The following TMEM178A variants were observed in gnomAD, a reference collection of about 807,000 sequenced individuals.
The protein encoded by TMEM178A is transmembrane protein 178A.
TMEM178A carries 12 observed loss-of-function variants against 29.1 expected under a neutral mutation model. The observed-to-expected ratio is 0.41, with a 90% CI of 0.26 to 0.67. The LOEUF (loss-of-function observed/expected upper bound fraction) is 0.67, where lower values mean the gene tolerates loss of function less well. Ranked by LOEUF, TMEM178A falls within the 30% of genes least tolerant of loss-of-function variation. TMEM178A has a pLI of 0.29. For missense variants in TMEM178A, 366 were observed against 419.1 expected (o/e 0.87, Z 1.11); for synonymous variants, 210 against 187.2 (o/e 1.12, Z -0.99).
Position 39,696,814 on chromosome 2 carries a change from C to T in TMEM178A, c.401-7267C>T, listed in dbSNP as rs558476185. Among the ~76,000 whole-genome samples, 4 of 152,272 alleles carry T rather than the reference C, an allele frequency of 2.6e-5. No individual in the cohort carries two copies. In the South Asian group the frequency reaches 6.2e-4, roughly 24 times the overall value. The stretch of plus-strand genomic sequence containing the variant: ...CATTTCTAACCCCCTGTGCAACATA[C>T]TTATGTATCTTATTCTATGGTTTAT... On this transcript the variant is annotated intron_variant, in intron 1 of 3. Coordinates refer to ENST00000281961, the MANE Select transcript of TMEM178A (RefSeq NM_152390.3).
chr2:39,721,322 T>C (rs1672698113), downstream of TMEM178A, among the ~76,000 whole-genome samples: 1 of 152,210 alleles, frequency 6.6e-6, no homozygotes, highest in African/African-American at 2.4e-5. Flanking sequence ...TTTCTAATTG[T>C]CCTAAAACAT....
intron 1 of TMEM178A, among the ~76,000 whole-genome samples, chr2:39,673,503 C>G (rs1670490034): frequency 6.6e-6 from 1 of 152,150 alleles, no homozygotes; most frequent in Non-Finnish European, 1.5e-5. Flanking sequence ...CATTTTTCCC[C>G]TAAGAACCTA....
chr2:39,697,717 T>C (rs1178112379), intron 1 of TMEM178A: 2 of 152,292 alleles, frequency 1.3e-5, no homozygotes, highest in East Asian at 1.9e-4. Context: ...GTGCACTACT[T>C]ACCTAATTCC....
intron 3 of TMEM178A, among the ~76,000 whole-genome samples, chr2:39,711,320 C>G (rs1225319294): frequency 6.6e-6 from 1 of 152,200 alleles, no homozygotes; most frequent in Non-Finnish European, 1.5e-5. Context: ...AGTTATAAAT[C>G]TTTTAAAAGG....
At chr2:39,678,784 C>T (rs1376340358) in intron 1 of TMEM178A, among the ~76,000 whole-genome samples, 2 of 152,164 alleles carry the variant, frequency 1.3e-5, no homozygotes, top group Non-Finnish European at 2.9e-5. Context: ...CCTTGTGGCT[C>T]CAGCTGCCTT....
the TMEM178A span, among the ~76,000 whole-genome samples, chr2:39,733,015 T>G: frequency 6.6e-6 from 1 of 152,192 alleles, no homozygotes; most frequent in East Asian, 1.9e-4. Flanking sequence ...CATCAGCCCT[T>G]CCAAAAATCT....
intron 1 of TMEM178A, among the ~76,000 whole-genome samples, chr2:39,695,542 G>C (rs1040460808): frequency 6.6e-6 from 1 of 151,700 alleles, no homozygotes; most frequent in African/African-American, 2.4e-5. Flanking sequence ...AGCCTGGAGG[G>C]ATTAGTAGTT....
chr2:39,669,317 G>A (rs1670311857), intron 1 of TMEM178A, among the ~76,000 whole-genome samples: 1 of 152,084 alleles, frequency 6.6e-6, no homozygotes. Context: ...CTCATAATAG[G>A]AATTATTTAC....
intron 2 of TMEM178A, among the ~76,000 whole-genome samples, chr2:39,705,315 T>C (rs578112212): frequency 1.3e-5 from 2 of 152,342 alleles, no homozygotes; most frequent in South Asian, 2.1e-4. Flanking sequence ...ACATTTACTA[T>C]ATAAGCTTAA....
chr2:39,716,659 A>T (rs563517826), intron 3 of TMEM178A, among the ~76,000 whole-genome samples: 5 of 152,338 alleles, frequency 3.3e-5, no homozygotes, highest in Non-Finnish European at 7.4e-5. Context: ...GATTTGAGTG[A>T]TTATAGAAGT....
intron 1 of TMEM178A, among the ~76,000 whole-genome samples, chr2:39,667,367 G>A (rs1452609396): frequency 4.8e-5 from 7 of 145,296 alleles, no homozygotes; most frequent in South Asian, 2.2e-4. Context: ...TCCCATTCAC[G>A]TAAAAATATT....
At chr2:39,675,712 AT>A (rs370795371) in intron 1 of TMEM178A, among the ~76,000 whole-genome samples, 46 of 149,532 alleles carry the variant, frequency 3.1e-4, no homozygotes, top group African/African-American at 6.6e-4. Context: ...AATGCCAGAC[AT>A]TTTTTTTTTC....
Position 39,711,513 on chromosome 2 carries a change from C to A in TMEM178A, c.652+4327C>A, listed in dbSNP as rs1322639027. Among the ~76,000 whole-genome samples the A allele has an allele frequency of 2.6e-5, 4 of 152,148 alleles. No homozygotes were observed. In the East Asian group the frequency reaches 7.7e-4, roughly 29 times the overall value. Reference sequence around the variant, plus strand: ...TGCCTTGAGTGGCCAACTGGAAGATCACACACAGCATGAGACAGTCCCTTC... The same window carrying A: ...TGCCTTGAGTGGCCAACTGGAAGATAACACACAGCATGAGACAGTCCCTTC... On this transcript the variant is annotated intron_variant, in intron 3 of 3. Coordinates refer to ENST00000281961, the MANE Select transcript of TMEM178A (RefSeq NM_152390.3).
chr2:39,690,501 T>C lies in TMEM178A; in HGVS notation c.401-13580T>C, dbSNP rs188630507. On this transcript the variant is annotated intron_variant, in intron 1 of 3. Transcript: ENST00000281961. ...TAAAGGCCAGTGTCCTAAGGTGGAA[T>C]TGAGAGAAGGCCAACAATACTAAGA... is the stretch of plus-strand genomic sequence containing the variant. Among the ~76,000 whole-genome samples, 291 of 152,268 alleles carry C rather than the reference T, an allele frequency of 1.9e-3. 1 individual carries two copies. The highest frequency in any genetic ancestry group is 6.6e-3 in the African/African-American group (275 of 41,538).
intron 1 of TMEM178A, among the ~76,000 whole-genome samples, chr2:39,676,571 G>T (rs1467258003): frequency 2.0e-5 from 3 of 152,116 alleles, no homozygotes; most frequent in African/African-American, 7.2e-5. Flanking sequence ...AGCAATCCCG[G>T]GCAAGTGGAA....
chr2:39,693,723 C>T (rs1046145612), intron 1 of TMEM178A, among the ~76,000 whole-genome samples: 4 of 152,108 alleles, frequency 2.6e-5, no homozygotes, highest in African/African-American at 9.7e-5. Flanking sequence ...AAATACTGTA[C>T]CTGCCACACC....
chr2:39,680,999 T>G (rs1670846774), intron 1 of TMEM178A, among the ~76,000 whole-genome samples: 1 of 152,230 alleles, frequency 6.6e-6, no homozygotes, highest in South Asian at 2.1e-4. Context: ...TTTCTTTGTT[T>G]TTTTTTCCTT....
At chr2:39,672,558 G>C (rs768299885) in intron 1 of TMEM178A, among the ~76,000 whole-genome samples, 4 of 151,902 alleles carry the variant, frequency 2.6e-5, no homozygotes, top group Non-Finnish European at 4.4e-5. Flanking sequence ...GTCTTGCTCT[G>C]TCTGTCACTC....
intron 1 of TMEM178A, among the ~76,000 whole-genome samples, chr2:39,691,445 T>C (rs1396325089): frequency 6.6e-6 from 1 of 152,208 alleles, no homozygotes; most frequent in African/African-American, 2.4e-5. Context: ...GAATACTTAC[T>C]TTTTAGAGTG....
Sources: gnomAD v4.1 joint callset for allele counts (sites outside exome capture counted in the v4.1 genomes callset) on GRCh38, gnomAD v4.1.1 for gene constraint, MANE v1.5 for transcripts, NCBI Gene and HGNC (gene_info 2026-07-23, HGNC 2026-07-21) for gene names.